FBXL4: variants seen among roughly 807,000 people sequenced by gnomAD.
FBXL4 encodes F-box and leucine rich repeat protein 4.
In FBXL4, 40 loss-of-function variants were observed where a neutral mutation model predicts 58.9. The observed-to-expected ratio is 0.68, with a 90% CI of 0.53 to 0.88. FBXL4 has a LOEUF of 0.88. Among genes scored for constraint, FBXL4 ranks in the 40% least tolerant of loss-of-function variants. The probability of loss-of-function intolerance (pLI) is 0.00; values close to 1 mark genes in which losing one functional copy is unlikely to be tolerated. For missense variants in FBXL4, 676 were observed against 734.4 expected (o/e 0.92, Z 0.92); for synonymous variants, 263 against 265.5 (o/e 0.99, Z 0.09).
At chr6:98,882,167 T>C (rs1430794753) in intron 7 of FBXL4, among the ~76,000 whole-genome samples, 1 of 152,110 alleles carries the variant, frequency 6.6e-6, no homozygotes, top group Non-Finnish European at 1.5e-5. Flanking sequence ...GAATCTCAAA[T>C]ACACAAACAA....
chr6:98,887,578 A>C (rs1771082637), intron 7 of FBXL4, among the ~76,000 whole-genome samples: 1 of 152,210 alleles, frequency 6.6e-6, no homozygotes, highest in Non-Finnish European at 1.5e-5. Flanking sequence ...TGTACATTAA[A>C]CTGGGAATTA....
At chr6:98,940,601 G>A (rs1330379723) in intron 1 of FBXL4, among the ~76,000 whole-genome samples, 1 of 151,924 alleles carries the variant, frequency 6.6e-6, no homozygotes, top group Non-Finnish European at 1.5e-5. Flanking sequence ...CTTCTTTAGT[G>A]CAGTGTCTAT....
Position 98,890,773 on chromosome 6 carries a change from G to A in FBXL4, c.1317+8495C>T, listed in dbSNP as rs561241568. 6.6e-5 allele frequency among the ~76,000 whole-genome samples: 10 copies of A among 152,210 alleles called. 1 individual carries two copies. The South Asian group carries it at 2.1e-3, about 32-fold the overall frequency. On this transcript the variant is annotated intron_variant, in intron 7 of 9. Coordinates refer to ENST00000369244, the MANE Select transcript of FBXL4 (RefSeq NM_001278716.2). Reference sequence around the variant, plus strand: ...ATCCCTACTAAAAGTATAAAAATCAGCCGGGCATGGTGGCACACGCCTGTA... The same window carrying A: ...ATCCCTACTAAAAGTATAAAAATCAACCGGGCATGGTGGCACACGCCTGTA...
Position 98,913,805 on chromosome 6 carries a change from T to A in FBXL4, c.858+3569A>T, listed in dbSNP as rs565707505. Among the ~76,000 whole-genome samples the A allele has an allele frequency of 4.0e-5, 6 of 151,830 alleles. 1 individual carries two copies. The highest frequency in any genetic ancestry group is 1.4e-4 in the African/African-American group (6 of 41,388). On this transcript the variant is annotated intron_variant, in intron 5 of 9. Transcript: ENST00000369244. ...TCAAAAGATAGCAGAAGGCAAGACA[T>A]AACTAAAATCAGAGCAGAACTGAAG...
intron 1 of FBXL4, among the ~76,000 whole-genome samples, chr6:98,941,413 G>A (rs1773426753): frequency 6.6e-6 from 1 of 151,682 alleles, no homozygotes; most frequent in Non-Finnish European, 1.5e-5. Flanking sequence ...AGGGAAGAAA[G>A]AGAAATTGAC....
At chr6:98,922,471 A>G (rs1179828038) in intron 4 of FBXL4, among the ~76,000 whole-genome samples, 3 of 152,250 alleles carry the variant, frequency 2.0e-5, no homozygotes, top group Non-Finnish European at 4.4e-5. Flanking sequence ...AAATTAAAAT[A>G]ATAGACACTG....
At chr6:98,897,356 C>T (rs559692652) in intron 7 of FBXL4, 2 of 984,554 alleles carry the variant, frequency 2.0e-6, no homozygotes, top group East Asian at 2.3e-4. Context: ...AAAACACAGG[C>T]TAATATCATC....
intron 4 of FBXL4, among the ~76,000 whole-genome samples, chr6:98,923,280 A>C (rs1772652817): frequency 1.3e-5 from 2 of 152,152 alleles, no homozygotes; most frequent in African/African-American, 2.4e-5. Context: ...GAGTATCTTC[A>C]TAAAAAAATT....
intron 2 of FBXL4, among the ~76,000 whole-genome samples, chr6:98,930,924 A>T (rs1429978428): frequency 2.6e-5 from 4 of 152,266 alleles, no homozygotes; most frequent in African/African-American, 4.8e-5. Context: ...AGAATTAACA[A>T]GTTAAACTGC....
chr6:98,918,891 T>C (rs1377447982), intron 4 of FBXL4, among the ~76,000 whole-genome samples: 2 of 152,154 alleles, frequency 1.3e-5, no homozygotes, highest in Non-Finnish European at 2.9e-5. Flanking sequence ...ATGATGTAAT[T>C]TGTAATTCAC....
rs556896918 is a variant in FBXL4 at position 98,879,868 on chromosome 6, G to A, written c.1389+685C>T. Among the ~76,000 whole-genome samples the A allele has an allele frequency of 3.8e-3, 579 of 150,828 alleles. 6 individuals are homozygous for A. Among genetic ancestry groups the A allele is most frequent in the African/African-American group, 0.013 (538 of 40,966 alleles). ...TGAGGCAGGAGAATTGCTTGAATCC[G>A]GGAGACGGAGATTGCAGTGAGTCAA... On this transcript the variant is annotated intron_variant, in intron 8 of 9. Coordinates refer to ENST00000369244, the MANE Select transcript of FBXL4 (RefSeq NM_001278716.2).
At chr6:98,947,180 G>C (rs1210915753) in intron 1 of FBXL4, among the ~76,000 whole-genome samples, 1 of 152,212 alleles carries the variant, frequency 6.6e-6, no homozygotes, top group Non-Finnish European at 1.5e-5. Context: ...CATCTCGAAG[G>C]TTTGTGGCAA....
At chr6:98,906,157 C>T (rs190348230) in intron 5 of FBXL4, among the ~76,000 whole-genome samples, 93 of 150,748 alleles carry the variant, frequency 6.2e-4, no homozygotes, top group African/African-American at 2.0e-3. Context: ...TGTACCTGTG[C>T]CAGGAACACT....
intron 5 of FBXL4, among the ~76,000 whole-genome samples, chr6:98,910,891 A>T (rs539593202): frequency 8.3e-4 from 126 of 152,246 alleles, no homozygotes; most frequent in Non-Finnish European, 1.5e-3. Context: ...CTCACTTGGG[A>T]AGCACAAGGG....
At chr6:98,932,955 C>T (rs915830205) in intron 2 of FBXL4, among the ~76,000 whole-genome samples, 3 of 147,714 alleles carry the variant, frequency 2.0e-5, no homozygotes, top group Admixed American at 6.7e-5. Context: ...CTACATAGTA[C>T]CAAAATGTAA....
chr6:98,926,541 C>T lies in FBXL4; in HGVS notation c.448G>A (p.Ala150Thr). The change falls in exon 4 of 10, where the codon GCA becomes ACA. Residue 150 changes from alanine (A) to threonine (T), a missense_variant. Ala to Thr is a moderately conservative substitution (Grantham distance 58). Transcript: ENST00000369244. Reference protein sequence around the residue: ...VHVLETYHPGAVIRILACSAN... With the variant: ...VHVLETYHPGTVIRILACSAN... ...GAACAAGCGAGAATTCTAATGACTGCTCCGGGATGATAGGTTTCTAGAACA... is the reference window on the plus strand; with the variant it reads ...GAACAAGCGAGAATTCTAATGACTGTTCCGGGATGATAGGTTTCTAGAACA... The T allele has an allele frequency of 6.2e-7, 1 of 1,614,050 alleles. No individual in the cohort carries two copies. Among genetic ancestry groups the T allele is most frequent in the Middle Eastern group, 1.6e-4 (1 of 6,062 alleles).
intron 5 of FBXL4, among the ~76,000 whole-genome samples, chr6:98,912,508 T>A (rs1772131843): frequency 6.6e-6 from 1 of 151,338 alleles, no homozygotes; most frequent in Non-Finnish European, 1.5e-5. Flanking sequence ...CAGAAGAGAG[T>A]GGGGGCCAAT....
At chr6:98,901,077 A>G (rs892676674) in intron 6 of FBXL4, among the ~76,000 whole-genome samples, 9 of 152,194 alleles carry the variant, frequency 5.9e-5, no homozygotes, top group African/African-American at 2.2e-4. Flanking sequence ...CCCTGCTCTC[A>G]TGAAGCTTAC....
At chr6:98,888,191 C>A (rs1771103835) in intron 7 of FBXL4, among the ~76,000 whole-genome samples, 1 of 152,178 alleles carries the variant, frequency 6.6e-6, no homozygotes, top group Non-Finnish European at 1.5e-5. Flanking sequence ...TGTCCACAGG[C>A]CAAATCCAGC....
Sources: allele counts gnomAD v4.1 joint callset (sites outside exome capture counted in the v4.1 genomes callset), GRCh38; gene constraint gnomAD v4.1.1; transcripts MANE v1.5; gene names NCBI Gene and HGNC (gene_info 2026-07-23, HGNC 2026-07-21).